SLC38A12: variants seen among roughly 807,000 people sequenced by gnomAD.
SLC38A12 encodes the protein putative sodium-coupled neutral amino acid transporter 12.
chr17:74,832,889 CTTGT>C, the SLC38A12 span, among the ~76,000 whole-genome samples: 2 of 152,238 alleles, frequency 1.3e-5, no homozygotes, highest in Non-Finnish European at 2.9e-5. Flanking sequence ...TGCAAATAGA[CTTGT>C]TTAAGACAAT....
At chr17:74,836,597 C>G in the SLC38A12 span, 1 of 1,613,314 alleles carries the variant, frequency 6.2e-7, no homozygotes, top group Non-Finnish European at 8.5e-7. This position sits in a 1 kb window ranked among gnomAD's most constrained non-coding sequence, Gnocchi z 4.2. Context: ...CTTTCCGCCA[C>G]ACCTTCTGGG....
chr17:74,788,011 G>T, the SLC38A12 span, among the ~76,000 whole-genome samples: 1 of 152,144 alleles, frequency 6.6e-6, no homozygotes, highest in East Asian at 1.9e-4. Context: ...GGCCAGGCTG[G>T]TCTTGAACTC....
chr17:74,779,449 G>T, the SLC38A12 span, among the ~76,000 whole-genome samples: 2 of 151,008 alleles, frequency 1.3e-5, no homozygotes, highest in Non-Finnish European at 3.0e-5. Context: ...GATGGGGTGG[G>T]ATGGGGAGGG....
chr17:74,791,788 TG>T, the SLC38A12 span, among the ~76,000 whole-genome samples: 1 of 152,228 alleles, frequency 6.6e-6, no homozygotes, highest in Non-Finnish European at 1.5e-5. Flanking sequence ...GTTGAGTTGT[TG>T]GGTGTGCCAG....
At chr17:74,838,799 G>A in the SLC38A12 span, 1 of 1,497,746 alleles carries the variant, frequency 6.7e-7, no homozygotes, top group Non-Finnish European at 8.9e-7. Flanking sequence ...GGTGATGCTG[G>A]CTCTCCACGT....
chr17:74,834,984 G>A, the SLC38A12 span, among the ~76,000 whole-genome samples: 2 of 152,244 alleles, frequency 1.3e-5, no homozygotes, highest in Non-Finnish European at 2.9e-5. Context: ...TCCCTGCGGT[G>A]CGCAGGCTGC....
the SLC38A12 span, among the ~76,000 whole-genome samples, chr17:74,782,476 G>A: frequency 0.017 from 2,581 of 152,266 alleles, 70 homozygotes; most frequent in African/African-American, 0.058. Flanking sequence ...CAAGCACAGG[G>A]CCCGGTCTGT....
the SLC38A12 span, chr17:74,790,283 C>T: frequency 4.3e-6 from 7 of 1,614,102 alleles, no homozygotes; most frequent in South Asian, 1.1e-5. Flanking sequence ...AGAAGCGGCC[C>T]ATCCTGTCTG....
At chr17:74,801,238 A>G in the SLC38A12 span, among the ~76,000 whole-genome samples, 1 of 152,208 alleles carries the variant, frequency 6.6e-6, no homozygotes, top group Non-Finnish European at 1.5e-5. Flanking sequence ...AGACTCTAGA[A>G]AGGTCGGGTT....
the SLC38A12 span, among the ~76,000 whole-genome samples, chr17:74,819,531 T>G: frequency 6.6e-6 from 1 of 152,348 alleles, no homozygotes; most frequent in Non-Finnish European, 1.5e-5. Flanking sequence ...ACAGTACATG[T>G]GAGCAGCAGC....
the SLC38A12 span, among the ~76,000 whole-genome samples, chr17:74,795,816 G>A: frequency 6.6e-6 from 1 of 152,202 alleles, no homozygotes; most frequent in African/African-American, 2.4e-5. Context: ...TAAGAGTCTA[G>A]CCCCCAAGGT....
At chr17:74,793,605 T>G in the SLC38A12 span, among the ~76,000 whole-genome samples, 1 of 152,174 alleles carries the variant, frequency 6.6e-6, no homozygotes, top group African/African-American at 2.4e-5. Context: ...AATGGCAGTT[T>G]ATAAACAGAG....
the SLC38A12 span, among the ~76,000 whole-genome samples, chr17:74,820,915 C>T: frequency 6.6e-6 from 1 of 152,310 alleles, no homozygotes; most frequent in East Asian, 1.9e-4. Flanking sequence ...CTGCAATTCC[C>T]CTGGTTCCCC....
chr17:74,784,310 A>G, the SLC38A12 span, among the ~76,000 whole-genome samples: 1 of 152,226 alleles, frequency 6.6e-6, no homozygotes, highest in African/African-American at 2.4e-5. Flanking sequence ...CTACTGCACC[A>G]GTCCAGGCCG....
At chr17:74,795,065 G>A in the SLC38A12 span, 64 of 1,614,028 alleles carry the variant, frequency 4.0e-5, no homozygotes, top group African/African-American at 4.3e-4. Flanking sequence ...TGGAGACCTC[G>A]CCATCTATGC....
the SLC38A12 span, chr17:74,788,863 AC>A: frequency 6.2e-7 from 1 of 1,613,022 alleles, no homozygotes; most frequent in Non-Finnish European, 8.5e-7. Flanking sequence ...AGGATGGAGA[AC>A]CTCAAGGTGT....
chr17:74,823,854 C>T, the SLC38A12 span, among the ~76,000 whole-genome samples: 1 of 152,290 alleles, frequency 6.6e-6, no homozygotes, highest in Non-Finnish European at 1.5e-5. Flanking sequence ...GCGGCATTTA[C>T]TCCCAAGGTG....
the SLC38A12 span, among the ~76,000 whole-genome samples, chr17:74,805,513 C>T: frequency 1.3e-5 from 2 of 152,210 alleles, no homozygotes; most frequent in Non-Finnish European, 2.9e-5. This position sits in a 1 kb window ranked among gnomAD's most constrained non-coding sequence, Gnocchi z 5.0. Context: ...CTCTGACCCC[C>T]GACTAGGGAG....
At chr17:74,825,874 C>T in the SLC38A12 span, among the ~76,000 whole-genome samples, 2,457 of 152,286 alleles carry the variant, frequency 0.016, 55 homozygotes, top group African/African-American at 0.055. Flanking sequence ...AGGGCTGCCA[C>T]GGCCCACAGC....
Sources: gnomAD v4.1 joint callset for allele counts (sites outside exome capture counted in the v4.1 genomes callset) on GRCh38, gnomAD v4.1.1 for gene constraint, Gnocchi (gnomAD v3.1) non-coding constraint, MANE v1.5 for transcripts, NCBI Gene and HGNC (gene_info 2026-07-23, HGNC 2026-07-21) for gene names.